The following IGSF11 variants were observed in gnomAD, a reference collection of about 807,000 sequenced individuals.
IGSF11 encodes the protein CXADR like 1.
Under a neutral mutation model 41.0 loss-of-function variants are expected in IGSF11, and 22 were observed. The ratio of observed to expected loss-of-function variants is 0.54; its 90% CI spans 0.38 to 0.77. The LOEUF (loss-of-function observed/expected upper bound fraction) is 0.77, where lower values mean the gene tolerates loss of function less well. Among genes scored for constraint, IGSF11 ranks in the 30% least tolerant of loss-of-function variants. IGSF11 has a pLI of 0.00. For synonymous variants in IGSF11, 219 were observed against 201.3 expected, an observed-to-expected ratio of 1.09 and a Z score of -0.74; for missense variants, 444 against 530.8, an observed-to-expected ratio of 0.84 and a Z score of 1.61.
chr3:119,025,324 T>C (rs1236310975), intron 1 of IGSF11, among the ~76,000 whole-genome samples: 1 of 152,062 alleles, frequency 6.6e-6, no homozygotes, highest in East Asian at 1.9e-4. Flanking sequence ...ATTTTGCAAA[T>C]GAAAGCAGGC....
chr3:118,974,376 G>A (rs41330049), intron 1 of IGSF11, among the ~76,000 whole-genome samples: 3,684 of 152,276 alleles, frequency 0.024, 80 homozygotes, highest in East Asian at 0.066. Context: ...TGGAAGAAAA[G>A]GCAACGGTTC....
intron 1 of IGSF11, among the ~76,000 whole-genome samples, chr3:119,114,822 A>C (rs1359359364): frequency 6.6e-6 from 1 of 152,224 alleles, no homozygotes; most frequent in East Asian, 1.9e-4. Flanking sequence ...TGCTATCAAG[A>C]AGTACCTAAC....
intron 1 of IGSF11, among the ~76,000 whole-genome samples, chr3:118,931,264 T>C (rs1168527742): frequency 6.6e-6 from 1 of 152,174 alleles, no homozygotes; most frequent in Non-Finnish European, 1.5e-5. Context: ...ACCTAAATCA[T>C]CGTAACATAC....
Position 118,901,707 on chromosome 3 carries a change from A to G in IGSF11, c.*813T>C, listed in dbSNP as rs1938876416. 1 of 151,940 alleles carries G rather than the reference A, an allele frequency of 6.6e-6. No individual in the cohort carries two copies. The highest frequency in any genetic ancestry group is 2.4e-5 in the African/African-American group (1 of 41,326). 9.4% of individuals were successfully genotyped at this position (151,940 alleles called of 1,614,324 possible). On this transcript the variant is annotated 3_prime_UTR_variant, in exon 7 of 7. Coordinates refer to ENST00000393775, the MANE Select transcript of IGSF11 (RefSeq NM_001015887.3). ...ATACAACCATTGAACAAGGTATTAT[A>G]CAACAGTCTTTTCTTTCTTAGCCCA...
In IGSF11 at chr3:118,926,212, T is replaced by C; in HGVS notation, c.469A>G (p.Ile157Val). Residue 157 changes from isoleucine to valine, a missense_variant, in exon 4 of 7, where the codon ATT (isoleucine) becomes GTT (valine). Physicochemically the swap from Ile to Val is conservative, Grantham distance 29. Transcript: ENST00000393775. ...PHCQIQGSQD[I>V]GSDVILLCSS... is the part of the protein sequence containing the mutation. ...CAGAGCAGGATGACATCGCTGCCAA[T>C]ATCCTGGGATCCTTGGATTTGGCAG... 1.2e-6 allele frequency: 2 copies of C among 1,610,768 alleles called. No individual in the cohort carries two copies. Among genetic ancestry groups the C allele is most frequent in the Non-Finnish European group, 8.5e-7 (1 of 1,177,798 alleles).
At chr3:119,089,728 C>T (rs1441246812) in intron 1 of IGSF11, among the ~76,000 whole-genome samples, 1 of 152,118 alleles carries the variant, frequency 6.6e-6, no homozygotes, top group African/African-American at 2.4e-5. Context: ...AGTAAAGCTT[C>T]AAGACACAAA....
chr3:118,945,407 T>C (rs1015321613), intron 1 of IGSF11, among the ~76,000 whole-genome samples: 3 of 152,224 alleles, frequency 2.0e-5, no homozygotes, highest in South Asian at 2.1e-4. Context: ...TTATTACATA[T>C]CTATGCTTTC....
At chr3:119,012,031 G>C (rs143598110) in intron 1 of IGSF11, among the ~76,000 whole-genome samples, 30 of 149,980 alleles carry the variant, frequency 2.0e-4, no homozygotes, top group East Asian at 1.2e-3. Context: ...CACACACACA[G>C]AGAGAGAGAG....
intron 1 of IGSF11, among the ~76,000 whole-genome samples, chr3:119,052,648 C>T (rs1243639588): frequency 1.3e-5 from 2 of 151,542 alleles, no homozygotes; most frequent in South Asian, 2.1e-4. Flanking sequence ...TCTATGAATC[C>T]AGTATTACCC....
At chr3:119,037,439 C>G (rs1251575176), upstream of IGSF11, among the ~76,000 whole-genome samples, 1 of 152,088 alleles carries the variant, frequency 6.6e-6, no homozygotes, top group Non-Finnish European at 1.5e-5. Context: ...CACCTCTGCC[C>G]CACCATGATC....
At chr3:118,959,672 T>A (rs1198469156) in intron 1 of IGSF11, among the ~76,000 whole-genome samples, 1 of 152,160 alleles carries the variant, frequency 6.6e-6, no homozygotes, top group African/African-American at 2.4e-5. Flanking sequence ...GAGCATGGCC[T>A]GAGGAAGTCT....
At chr3:119,117,262 C>T (rs115914167) in intron 1 of IGSF11, among the ~76,000 whole-genome samples, 20 of 151,740 alleles carry the variant, frequency 1.3e-4, no homozygotes, top group South Asian at 1.0e-3. Context: ...CTGTTTTCAT[C>T]GTGCTGATAA....
At chr3:118,910,803 T>C (rs1940180825) in intron 4 of IGSF11, among the ~76,000 whole-genome samples, 2 of 152,224 alleles carry the variant, frequency 1.3e-5, no homozygotes, top group Non-Finnish European at 1.5e-5. Flanking sequence ...CATAGTTCCC[T>C]GTATTTATAA....
intron 5 of IGSF11, 74 bp downstream of exon 5, chr3:118,905,522 C>T (rs62275716): frequency 0.2 from 299,869 of 1,491,370 alleles, 32,056 homozygotes; most frequent in Middle Eastern, 0.24. Context: ...TCAGCAGAAC[C>T]CTTCATTTTC....
At chr3:119,124,508 G>C (rs941850601) in intron 1 of IGSF11, among the ~76,000 whole-genome samples, 2 of 150,378 alleles carry the variant, frequency 1.3e-5, no homozygotes, top group South Asian at 4.2e-4. Flanking sequence ...CTTAGAGTTC[G>C]AGACCAGCCT....
intron 1 of IGSF11, chr3:118,943,268 T>C (rs545239135): frequency 6.6e-6 from 1 of 152,324 alleles, no homozygotes; most frequent in Admixed American, 6.5e-5. Context: ...GGGTCTCAGA[T>C]TTGAATTCAA....
intron 4 of IGSF11, among the ~76,000 whole-genome samples, chr3:118,914,605 A>G (rs368998087): frequency 0.01 from 1,545 of 149,462 alleles, 6 homozygotes; most frequent in East Asian, 0.062. Context: ...GGAGGGTCCT[A>G]CGCCCACGGA....
chr3:119,080,694 T>A lies in IGSF11; in HGVS notation c.49+24450A>T, dbSNP rs1045145814. ...GAATAATTAATGTGACTTTCCTACA[T>A]AACTAGGCCTTTAATTAAAGCCACT... On this transcript the variant is annotated intron_variant, in intron 1 of 6. Coordinates refer to the IGSF11 transcript ENST00000354673. Among the ~76,000 whole-genome samples, 5 of 152,338 alleles carry A rather than the reference T, an allele frequency of 3.3e-5. 1 individual carries two copies. The highest frequency in any genetic ancestry group is 3.9e-4 in the East Asian group (2 of 5,194).
chr3:118,919,219 A>G (rs947091476), intron 4 of IGSF11, among the ~76,000 whole-genome samples: 1 of 134,414 alleles, frequency 7.4e-6, no homozygotes, highest in Non-Finnish European at 1.5e-5. Flanking sequence ...CATGTCCAAA[A>G]CACCAAAAGC....
Sources: allele counts gnomAD v4.1 joint callset (sites outside exome capture counted in the v4.1 genomes callset), GRCh38; gene constraint gnomAD v4.1.1; transcripts MANE v1.5; gene names NCBI Gene and HGNC (gene_info 2026-07-23, HGNC 2026-07-21).